LRRK1: variants seen among roughly 807,000 people sequenced by gnomAD.
The protein encoded by LRRK1 is leucine rich repeat kinase 1, also known as leucine-rich repeat serine/threonine-protein kinase 1.
Under a neutral mutation model 209.1 loss-of-function variants are expected in LRRK1, and 113 were observed. The ratio of observed to expected loss-of-function variants is 0.54; its 90% CI spans 0.46 to 0.63. The LOEUF (loss-of-function observed/expected upper bound fraction) is 0.63, where lower values mean the gene tolerates loss of function less well. Ranked by LOEUF, LRRK1 falls within the 30% of genes least tolerant of loss-of-function variation. The pLI is 0.00. For synonymous variants in LRRK1, 1,144 were observed against 1,099.7 expected, an observed-to-expected ratio of 1.04 and a Z score of -0.80; for missense variants, 2,284 against 2,632.2, an observed-to-expected ratio of 0.87 and a Z score of 2.89.
intron 20 of LRRK1, among the ~76,000 whole-genome samples, chr15:101,037,964 C>T (rs906043845): frequency 3.9e-5 from 6 of 152,128 alleles, no homozygotes; most frequent in Non-Finnish European, 5.9e-5. Context: ...AATATGGAAC[C>T]ATCCCAAATG....
At chr15:100,987,190 T>C (rs2031921445) in intron 4 of LRRK1, among the ~76,000 whole-genome samples, 2 of 152,202 alleles carry the variant, frequency 1.3e-5, no homozygotes, top group Non-Finnish European at 2.9e-5. Context: ...CATGCTTTAT[T>C]TGGTGAATAC....
chr15:100,955,378 A>G (rs1288900493), intron 2 of LRRK1, among the ~76,000 whole-genome samples: 1 of 152,188 alleles, frequency 6.6e-6, no homozygotes, highest in Non-Finnish European at 1.5e-5. Context: ...GAATTTATTT[A>G]TTAGTTCTAG....
intron 13 of LRRK1, 33 bp from the exon 14 acceptor site, chr15:101,021,801 TGTGTGTGTGTG>T: frequency 9.0e-7 from 1 of 1,107,236 alleles, no homozygotes; most frequent in Non-Finnish European, 1.4e-6. Context: ...TGTGTGTGTG[TGTGTGTGTGTG>T]TATTCTCTCG....
At chr15:101,047,071 C>T (rs2035120476) in intron 21 of LRRK1, among the ~76,000 whole-genome samples, 1 of 152,234 alleles carries the variant, frequency 6.6e-6, no homozygotes, top group Non-Finnish European at 1.5e-5. Context: ...GGGATTCTGA[C>T]ACACTTTTGG....
At chr15:100,950,788 G>A (rs2042628649) in intron 2 of LRRK1, among the ~76,000 whole-genome samples, 1 of 152,286 alleles carries the variant, frequency 6.6e-6, no homozygotes, top group Middle Eastern at 3.4e-3. Flanking sequence ...TCACAATTCA[G>A]CAACAAAAAA....
rs529505044 is a variant in LRRK1, at chr15:101,014,147, G to A, written c.1420-169G>A. On this transcript the variant is annotated intron_variant, in intron 10 of 33. Transcript: ENST00000388948. ...CCGTCGCACTGTTTGATATCATTTC[G>A]TGAGTTTGAAGAGGCTGCTGGGCCC... Among the ~76,000 whole-genome samples, 7 of 152,208 alleles carry A rather than the reference G, an allele frequency of 4.6e-5. No individual in the cohort carries two copies. The South Asian group carries it at 1.0e-3, about 23-fold the overall frequency.
chr15:100,980,863 GACT>G (rs1488170449), intron 3 of LRRK1, among the ~76,000 whole-genome samples: 2 of 152,180 alleles, frequency 1.3e-5, no homozygotes, highest in Non-Finnish European at 2.9e-5. Context: ...CTGGTCTTTG[GACT>G]GAGGCCAGTT....
At chr15:100,989,879 C>T (rs1289245982) in intron 6 of LRRK1, among the ~76,000 whole-genome samples, 6 of 151,216 alleles carry the variant, frequency 4.0e-5, no homozygotes, top group Non-Finnish European at 5.9e-5. Context: ...TTTCTCTTTT[C>T]CTTTTTTCAA....
In LRRK1 at chr15:101,024,678, C is replaced by T; in HGVS notation, c.2068-125C>T. ...CTAAGAAACAATAGAGTGTCCAGAA[C>T]TTTTCCACGGTTGTTTTTTCAGACC... On this transcript the variant is annotated intron_variant, in intron 15 of 33. Transcript: ENST00000388948. This position sits in a 1 kb window ranked among gnomAD's most constrained non-coding sequence, Gnocchi z 4.6. 9.4e-7 allele frequency: 1 copy of T among 1,068,112 alleles called. No individual in the cohort carries two copies. Among genetic ancestry groups the T allele is most frequent in the Non-Finnish European group, 1.4e-6 (1 of 729,610 alleles). The allele number at this position is 1,068,112 out of a possible 1,614,324, so 66.2% of individuals were successfully genotyped here. A position where few individuals can be genotyped will look rare whatever the true frequency, so the allele number is the denominator to read the frequency against.
At chr15:100,941,194 G>C (rs532452142) in intron 2 of LRRK1, among the ~76,000 whole-genome samples, 2 of 151,406 alleles carry the variant, frequency 1.3e-5, no homozygotes, top group African/African-American at 4.9e-5. Context: ...CTTTGTGCAT[G>C]TGTGTTTCTG....
rs541287901 is a variant in LRRK1, at chr15:100,924,629, G to A, written c.-4G>A. 21 of 1,614,076 alleles carry A rather than the reference G, an allele frequency of 1.3e-5. No individual in the cohort carries two copies. In the South Asian group the frequency reaches 2.1e-4, roughly 16 times the overall value. ...CCTTTGAAGATCGGCTGCTGCAAGGGTTGATGGCTGGCATGTCGCAAAGAC... is the reference window on the plus strand; with the variant it reads ...CCTTTGAAGATCGGCTGCTGCAAGGATTGATGGCTGGCATGTCGCAAAGAC... On this transcript the variant is annotated 5_prime_UTR_variant, in exon 2 of 34. Transcript: ENST00000388948.
chr15:100,978,709 C>T (rs2031436198), intron 3 of LRRK1, among the ~76,000 whole-genome samples: 1 of 152,136 alleles, frequency 6.6e-6, no homozygotes, highest in African/African-American at 2.4e-5. Flanking sequence ...ATAGGAAATG[C>T]ATAATTTGAA....
chr15:100,995,785 A>C (rs2141676789), intron 6 of LRRK1, among the ~76,000 whole-genome samples: 1 of 152,348 alleles, frequency 6.6e-6, no homozygotes, highest in South Asian at 2.1e-4. Context: ...TTAAGTGTGG[A>C]AGTAGAGCAG....
intron 20 of LRRK1, among the ~76,000 whole-genome samples, chr15:101,036,826 A>C (rs1427808513): frequency 6.6e-6 from 1 of 152,232 alleles, no homozygotes; most frequent in Admixed American, 6.5e-5. Context: ...TTTGGCTTTC[A>C]TTCTATGTAG....
intron 20 of LRRK1, among the ~76,000 whole-genome samples, chr15:101,032,778 A>G (rs757721010): frequency 2.6e-5 from 4 of 152,182 alleles, no homozygotes; most frequent in Non-Finnish European, 5.9e-5. Context: ...CCATGGAATT[A>G]TCTTGGTTTC....
intron 33 of LRRK1, chr15:101,067,362 G>A (rs771338104): frequency 4.0e-5 from 18 of 444,834 alleles, no homozygotes; most frequent in East Asian, 7.1e-5. Flanking sequence ...TTTACACCCC[G>A]CACTTTGACT....
rs148742936 is a variant in LRRK1, at chr15:101,033,447, G to A, written c.2963+4215G>A. ...ACTCTCACACCCTTCCTAGCTTCTA[G>A]TATCTGTCATGCTATTTTCTATCTT... On this transcript the variant is annotated intron_variant, in intron 20 of 33. Coordinates refer to ENST00000388948, the MANE Select transcript of LRRK1 (RefSeq NM_024652.6). Among the ~76,000 whole-genome samples the A allele has an allele frequency of 3.9e-5, 6 of 152,128 alleles. No homozygotes were observed. The East Asian group carries it at 1.2e-3, about 29-fold the overall frequency.
chr15:100,937,545 T>C (rs2042323339), intron 2 of LRRK1, among the ~76,000 whole-genome samples: 1 of 151,642 alleles, frequency 6.6e-6, no homozygotes, highest in Admixed American at 6.6e-5. Context: ...ATTTTATTTA[T>C]TTATTTTGAG....
intron 26 of LRRK1, among the ~76,000 whole-genome samples, chr15:101,053,708 G>GT (rs1409467243): frequency 6.6e-6 from 1 of 152,252 alleles, no homozygotes; most frequent in Non-Finnish European, 1.5e-5. Flanking sequence ...AAGGAGGATG[G>GT]TAACAGGCCT....
Sources: allele counts gnomAD v4.1 joint callset (sites outside exome capture counted in the v4.1 genomes callset), GRCh38; gene constraint gnomAD v4.1.1; non-coding constraint Gnocchi (gnomAD v3.1); transcripts MANE v1.5; gene names NCBI Gene and HGNC (gene_info 2026-07-23, HGNC 2026-07-21).